Variants in SYT12 observed in about 807,000 individuals in gnomAD.
The protein encoded by SYT12 is synaptotagmin 12, also known as synaptotagmin-12.
In SYT12, 27 loss-of-function variants were observed where a neutral mutation model predicts 39.5. The observed-to-expected ratio is 0.68, with a 90% CI of 0.50 to 0.94. SYT12 has a LOEUF of 0.94. Ranked by LOEUF, SYT12 falls within the 40% of genes least tolerant of loss-of-function variation. The pLI is 0.00. For synonymous variants in SYT12, 233 were observed against 239.7 expected, an observed-to-expected ratio of 0.97 and a Z score of 0.26; for missense variants, 536 against 572.6, an observed-to-expected ratio of 0.94 and a Z score of 0.65.
chr11:67,016,343 C>T (rs950316102), intron 3 of SYT12, among the ~76,000 whole-genome samples: 5 of 151,914 alleles, frequency 3.3e-5, no homozygotes, highest in African/African-American at 9.7e-5. Context: ...GCTGAGAAGG[C>T]GTGAACTGAG....
Position 67,049,043 on chromosome 11 carries a change from T to C in SYT12, c.*286T>C. 1 of 340,530 alleles carries C rather than the reference T, an allele frequency of 2.9e-6. No homozygotes were observed. Among genetic ancestry groups the C allele is most frequent in the Admixed American group, 3.9e-5 (1 of 25,814 alleles). 21.1% of individuals were successfully genotyped at this position (340,530 alleles called of 1,614,324 possible). A position where few individuals can be genotyped will look rare whatever the true frequency, so the allele number is the denominator to read the frequency against. On this transcript the variant is annotated 3_prime_UTR_variant, in exon 8 of 8. Transcript: ENST00000527043. ...GTAGGCCAGCTGCCGAGCTGGGCTA[T>C]GTTCTGGAACCCAGTGAATCTTGGG... is the stretch of plus-strand genomic sequence containing the variant.
upstream of SYT12, chr11:67,021,975 T>C (rs1373019300): frequency 7.1e-6 from 1 of 140,174 alleles, no homozygotes; most frequent in African/African-American, 2.7e-5. Context: ...TGAGACGGAG[T>C]CGCCGCGATC....
At chr11:67,012,811 GGTC>G (rs1321735567) in intron 3 of SYT12, among the ~76,000 whole-genome samples, 64 of 152,260 alleles carry the variant, frequency 4.2e-4, no homozygotes, top group Non-Finnish European at 6.8e-4. Flanking sequence ...ACTAATCCAA[GGTC>G]ACACAGTGAC....
intron 7 of SYT12, among the ~76,000 whole-genome samples, chr11:67,047,166 C>T (rs1007432122): frequency 3.3e-5 from 5 of 151,722 alleles, no homozygotes; most frequent in South Asian, 2.1e-4. Context: ...GGTTTCACCA[C>T]GCTGGCCAGG....
chr11:67,045,917 C>A, intron 7 of SYT12, 40 bp downstream of exon 7: 1 of 1,611,512 alleles, frequency 6.2e-7, no homozygotes, highest in South Asian at 1.1e-5. Context: ...CAGGTCACCC[C>A]AGGGCTCTGG....
In SYT12 at chr11:67,034,820, C is replaced by T. The variant is rs763598705; in HGVS notation, c.210C>T (p.Cys70=). Residue 70 remains cysteine (C), a synonymous_variant, in exon 3 of 8, where the codon TGC becomes TGT. Coordinates refer to ENST00000527043, the MANE Select transcript of SYT12 (RefSeq NM_177963.4). ...RYLQQKYGES[C]AEAREKRVPA... is the part of the protein sequence containing the mutation. Reference sequence around the variant, plus strand: ...TTCAGCAGAAGTACGGCGAGAGCTGCGCAGAGGCCAGGGAGAAGGTGAGGC... The same window carrying T: ...TTCAGCAGAAGTACGGCGAGAGCTGTGCAGAGGCCAGGGAGAAGGTGAGGC... 1.3e-5 allele frequency: 20 copies of T among 1,570,922 alleles called. No homozygotes were observed. The highest frequency in any genetic ancestry group is 2.0e-5 in the Admixed American group (1 of 49,342).
intron 3 of SYT12, among the ~76,000 whole-genome samples, 196 bp from the exon 4 acceptor site, chr11:67,039,614 CA>C (rs1373490226): frequency 6.6e-6 from 1 of 152,072 alleles, no homozygotes; most frequent in Non-Finnish European, 1.5e-5. Flanking sequence ...AACTCCATCT[CA>C]AAAAAATGAG....
rs1049735066 is a variant in SYT12, at chr11:67,040,283, G to A, written c.621+80G>A. The A allele has an allele frequency of 3.3e-5, 49 of 1,506,128 alleles. No individual in the cohort carries two copies. The East Asian group carries it at 8.2e-4, about 25-fold the overall frequency. The allele number at this position is 1,506,128 out of a possible 1,614,324, so 93.3% of individuals were successfully genotyped here. A position where few individuals can be genotyped will look rare whatever the true frequency, so the allele number is the denominator to read the frequency against. ...CCAGGCAGGCATGGCGGTGGGGCCC[G>A]GCAGGATCCCAGAAAGGCAGTAGAG... On this transcript the variant is annotated intron_variant, in intron 4 of 7. Transcript: ENST00000527043.
chr11:67,049,890 T>G lies in SYT12; in HGVS notation c.*1133T>G, dbSNP rs962565445. The G allele has an allele frequency of 9.8e-4, 149 of 152,006 alleles. No individual in the cohort carries two copies. Among genetic ancestry groups the G allele is most frequent in the African/African-American group, 3.3e-3 (135 of 41,432 alleles). 9.4% of individuals were successfully genotyped at this position (152,006 alleles called of 1,614,324 possible). A position where few individuals can be genotyped will look rare whatever the true frequency, so the allele number is the denominator to read the frequency against. ...AAGGAGGCGGCTCTCGATCACGGGG[T>G]GGGTGCCCCCGACACCGGGTCTCCT... On this transcript the variant is annotated 3_prime_UTR_variant, in exon 8 of 8. Coordinates refer to ENST00000527043, the MANE Select transcript of SYT12 (RefSeq NM_177963.4).
In SYT12 at chr11:67,046,146, G is replaced by A. The variant is rs564349694; in HGVS notation, c.1092+269G>A. 3.9e-5 allele frequency among the ~76,000 whole-genome samples: 6 copies of A among 152,300 alleles called. No individual in the cohort carries two copies. In the East Asian group the frequency reaches 1.2e-3, roughly 29 times the overall value. On this transcript the variant is annotated intron_variant, in intron 7 of 7. Coordinates refer to ENST00000527043, the MANE Select transcript of SYT12 (RefSeq NM_177963.4). The stretch of plus-strand genomic sequence containing the variant: ...CAGGTGAGGGGGGATTCCTGCAGGA[G>A]GGGATACCCAGCTCTGAGGGAGGAC...
intron 3 of SYT12, among the ~76,000 whole-genome samples, chr11:67,036,163 C>T (rs567465391): frequency 9.2e-5 from 14 of 152,170 alleles, no homozygotes; most frequent in African/African-American, 1.2e-4. Context: ...GAGATCTGCC[C>T]GCCTTGGCCT....
Position 67,048,808 on chromosome 11 carries a change from C to T in SYT12, c.*51C>T, listed in dbSNP as rs1294204631. On this transcript the variant is annotated 3_prime_UTR_variant, in exon 8 of 8. Transcript: ENST00000527043. The stretch of plus-strand genomic sequence containing the variant: ...TGGAGCTGCTGGAGCCCGGTACCCA[C>T]TCAGCTCTGTCTGATGCCCTCTCCA... 1 of 1,563,748 alleles carries T rather than the reference C, an allele frequency of 6.4e-7. No homozygotes were observed. Among genetic ancestry groups the T allele is most frequent in the South Asian group, 1.1e-5 (1 of 88,030 alleles).
chr11:67,017,895 G>A (rs891631522), intron 3 of SYT12, among the ~76,000 whole-genome samples: 1 of 151,978 alleles, frequency 6.6e-6, no homozygotes, highest in African/African-American at 2.4e-5. Flanking sequence ...AGGAGGCGGA[G>A]GTTGCAGTAA....
upstream of SYT12, among the ~76,000 whole-genome samples, chr11:67,023,123 C>CG (rs1950130863): frequency 6.6e-6 from 1 of 152,194 alleles, no homozygotes; most frequent in African/African-American, 2.4e-5. Flanking sequence ...GGATCCCGGA[C>CG]GCGCTTGGGG....
At chr11:67,010,488 C>T (rs1444717336) in intron 2 of SYT12, among the ~76,000 whole-genome samples, 2 of 152,202 alleles carry the variant, frequency 1.3e-5, no homozygotes. Flanking sequence ...CCCTCGGGTC[C>T]CCCCACCCCT....
At position 67,045,867 on chromosome 11, in the gene SYT12, T is replaced by C. The variant is rs377573920; in HGVS notation, c.1082T>C (p.Ile361Thr). The C allele has an allele frequency of 2.8e-5, 45 of 1,613,648 alleles. No homozygotes were observed. Among genetic ancestry groups the C allele is most frequent in the Middle Eastern group, 1.6e-4 (1 of 6,078 alleles). The change falls in exon 7 of 8, where the codon ATT becomes ACT. Residue 361 changes from isoleucine to threonine, a missense_variant. Ile to Thr is a moderately conservative substitution (Grantham distance 89). Coordinates refer to ENST00000527043, the MANE Select transcript of SYT12 (RefSeq NM_177963.4). ...GCCATGATCTTCTCGGTGCCAGCCA[T>C]TGTGCTCCAGGTGAGGGGGGCTGGG... ...NEAMIFSVPA[I>T]VLQDLSLRVT...
Position 67,009,290 on chromosome 11 carries a change from G to A in SYT12, c.-484-589G>A, listed in dbSNP as rs576972871. ...TGAAGTGCTGGGGTTACAGGCGTGA[G>A]CCACTGTGCCCCGACCTTGATTGAT... On this transcript the variant is annotated intron_variant, in intron 1 of 10. Transcript: ENST00000393946. Among the ~76,000 whole-genome samples the A allele has an allele frequency of 3.9e-5, 6 of 152,274 alleles. No individual in the cohort carries two copies. In the South Asian group the frequency reaches 1.2e-3, roughly 32 times the overall value.
intron 3 of SYT12, chr11:67,011,053 T>G (rs934519514): frequency 1.3e-5 from 2 of 152,138 alleles, no homozygotes; most frequent in Non-Finnish European, 2.9e-5. Flanking sequence ...GACAACGTAT[T>G]TGTGCACGGT....
chr11:67,023,369 G>A lies in SYT12; in HGVS notation c.-115G>A, dbSNP rs959111806. The A allele has an allele frequency of 6.7e-6, 1 of 149,030 alleles. No individual in the cohort carries two copies. Among genetic ancestry groups the A allele is most frequent in the Non-Finnish European group, 1.5e-5 (1 of 66,776 alleles). The allele number at this position is 149,030 out of a possible 1,614,324, so 9.2% of individuals were successfully genotyped here. ...CACTGCAGGGGTGGCGTTGCCGCCG[G>A]CGGCCGGGCTAGGCGCAGGTGCGTG... On this transcript the variant is annotated 5_prime_UTR_variant, in exon 1 of 8. Transcript: ENST00000527043.
Sources: gnomAD v4.1 joint callset for allele counts (sites outside exome capture counted in the v4.1 genomes callset) on GRCh38, gnomAD v4.1.1 for gene constraint, MANE v1.5 for transcripts, NCBI Gene and HGNC (gene_info 2026-07-23, HGNC 2026-07-21) for gene names.